Variants in PLXND1 observed in about 807,000 individuals in gnomAD.
PLXND1 encodes the protein plexin-D1.
Under a neutral mutation model 197.7 loss-of-function variants are expected in PLXND1, and 54 were observed. The observed-to-expected ratio is 0.27, with a 90% confidence interval of 0.22 to 0.34. The LOEUF (loss-of-function observed/expected upper bound fraction) is 0.34. PLXND1 is among the 10% of genes least tolerant of loss of function. The probability of loss-of-function intolerance (pLI) is 1.00; values close to 1 mark genes in which losing one functional copy is unlikely to be tolerated. For missense variants in PLXND1, 2,127 were observed against 2,699.2 expected, an observed-to-expected ratio of 0.79 and a Z score of 4.70; for synonymous variants, 1,180 against 1,161.2, an observed-to-expected ratio of 1.02 and a Z score of -0.33.
intron 1 of PLXND1, among the ~76,000 whole-genome samples, chr3:129,596,541 G>T (rs180677818): frequency 2.6e-5 from 4 of 152,250 alleles, no homozygotes; most frequent in East Asian, 1.9e-4. Flanking sequence ...CAGGGAAAAG[G>T]CTTCCCTCCC....
intron 25 of PLXND1, among the ~76,000 whole-genome samples, chr3:129,564,303 A>G (rs1279822034): frequency 6.6e-6 from 1 of 152,250 alleles, no homozygotes. Flanking sequence ...GAGGGCAATG[A>G]GTAGCCCAGA....
intron 32 of PLXND1, chr3:129,559,276 T>C (rs1171538031): frequency 9.1e-6 from 2 of 219,702 alleles, no homozygotes; most frequent in Non-Finnish European, 1.8e-5. Flanking sequence ...TGTGTGGTCT[T>C]GAGCAGGTGC....
chr3:129,600,408 G>A (rs1448108519), intron 1 of PLXND1, among the ~76,000 whole-genome samples: 1 of 152,034 alleles, frequency 6.6e-6, no homozygotes, highest in Admixed American at 6.5e-5. Flanking sequence ...TTTTTATTAT[G>A]GGCAGCCCCC....
rs1202032868 is a variant in PLXND1, at chr3:129,575,769, C to G, written c.2433G>C (p.Val811=). The change falls in exon 10 of 36, where the codon GTG becomes GTC. Residue 811 remains valine, a synonymous_variant. Coordinates refer to ENST00000324093, the MANE Select transcript of PLXND1 (RefSeq NM_015103.3). ...ATGCTGGAGTCACCCCACTCACCAC[C>G]ACCTGGTCACAGCGTACAACAGACT... The part of the protein sequence containing the change: ...VNESVVRCDQ[V]VLHTTRKSQV... 2 of 1,610,740 alleles carry G rather than the reference C, an allele frequency of 1.2e-6. No homozygotes were observed. Among genetic ancestry groups the G allele is most frequent in the Admixed American group, 3.3e-5 (2 of 59,992 alleles).
chr3:129,557,222 TC>T lies in PLXND1; in HGVS notation c.5446del (p.Asp1816IlefsTer30). The T allele has an allele frequency of 6.2e-7, 1 of 1,614,106 alleles. No homozygotes were observed. On this transcript the variant is annotated frameshift_variant and splice_region_variant, in exon 34 of 36. Coordinates refer to ENST00000324093, the MANE Select transcript of PLXND1 (RefSeq NM_015103.3). LOFTEE classifies it high-confidence loss of function. This position sits in a 1 kb window ranked among gnomAD's most constrained non-coding sequence, Gnocchi z 4.8. ...CSISDLQLGK[D>X]SPTNKLLYAK... ...GTAGAGGAGCTTGTTGGTTGGCGAA[TC>T]CTGGGCAGAGAAGAGCGAGGGTGTT...
intron 1 of PLXND1, among the ~76,000 whole-genome samples, chr3:129,596,347 C>G (rs974309927): frequency 6.6e-6 from 1 of 152,138 alleles, no homozygotes; most frequent in African/African-American, 2.4e-5. Context: ...TGGGAACCAC[C>G]GCCACAGTCG....
chr3:129,578,005 T>C (rs927698333), intron 9 of PLXND1, among the ~76,000 whole-genome samples: 1 of 152,010 alleles, frequency 6.6e-6, no homozygotes, highest in African/African-American at 2.4e-5. Context: ...GAGGACAGGA[T>C]AGGGCAGCGT....
At chr3:129,585,863 T>C (rs2085451245) in intron 5 of PLXND1, 89 bp downstream of exon 5, 1 of 1,546,134 alleles carries the variant, frequency 6.5e-7, no homozygotes, top group Non-Finnish European at 8.9e-7. Flanking sequence ...GCACCATGGG[T>C]GGGAGTCTCC....
chr3:129,583,239 G>C (rs2085410129), intron 8 of PLXND1, among the ~76,000 whole-genome samples: 1 of 152,192 alleles, frequency 6.6e-6, no homozygotes, highest in African/African-American at 2.4e-5. Context: ...ACTGGCTCAG[G>C]CTTTCTGGAA....
chr3:129,596,905 T>C (rs926312441), intron 1 of PLXND1, among the ~76,000 whole-genome samples: 8 of 152,126 alleles, frequency 5.3e-5, no homozygotes, highest in African/African-American at 1.4e-4. Context: ...TTCCATGAGC[T>C]GGGGACACAG....
In PLXND1 at chr3:129,606,401, T is replaced by C. The variant is rs531174147; in HGVS notation, c.239A>G (p.Tyr80Cys). Residue 80 changes from tyrosine to cysteine, a missense_variant, in exon 1 of 36, where the codon TAT (tyrosine) becomes TGT (cysteine). Physicochemically the swap from Tyr to Cys is radical, Grantham distance 194 (BLOSUM62 -2). Coordinates refer to ENST00000324093, the MANE Select transcript of PLXND1 (RefSeq NM_015103.3). ...GCTCAGGTTGGCGCCCGACAGCTGA[T>C]AGAGGCGGTTGACGGCCGCCAGGTA... ...TVYLAAVNRL[Y>C]QLSGANLSLE... The C allele has an allele frequency of 5.4e-6, 8 of 1,473,862 alleles. No homozygotes were observed. Among genetic ancestry groups the C allele is most frequent in the South Asian group, 5.3e-5 (4 of 75,814 alleles). The allele number at this position is 1,473,862 out of a possible 1,614,324, so 91.3% of individuals were successfully genotyped here.
intron 2 of PLXND1, among the ~76,000 whole-genome samples, chr3:129,587,123 T>A (rs1188887176): frequency 6.6e-6 from 1 of 152,142 alleles, no homozygotes; most frequent in African/African-American, 2.4e-5. Flanking sequence ...TTTCCTGAGC[T>A]AATGGGGCAG....
At position 129,575,498 on chromosome 3, in the gene PLXND1, C is replaced by T. The variant is rs202243684; in HGVS notation, c.2501G>A (p.Arg834Gln). The change falls in exon 11 of 36, where the codon CGA (arginine) becomes CAA (glutamine). Residue 834 changes from arginine to glutamine, a missense_variant. Arg to Gln is a conservative substitution (Grantham distance 43). Coordinates refer to ENST00000324093, the MANE Select transcript of PLXND1 (RefSeq NM_015103.3). ...LSLQLKGRPARFLDSPEPMTV... is the reference protein window; with the variant it reads ...LSLQLKGRPAQFLDSPEPMTV... ...CATGGGCTCAGGGCTGTCCAGGAAT[C>T]GGGCTGGCCGCCCCTTTAGTTGGAG... 7.8e-5 allele frequency: 122 copies of T among 1,554,886 alleles called. 1 individual carries two copies. The East Asian group carries it at 1.7e-3, about 22-fold the overall frequency.
intron 1 of PLXND1, among the ~76,000 whole-genome samples, chr3:129,590,301 T>TC (rs1310221462): frequency 1.3e-5 from 1 of 79,240 alleles, no homozygotes; most frequent in African/African-American, 4.1e-5. Context: ...TGATCCCATG[T>TC]CCGGGCTGTT....
Position 129,575,517 on chromosome 3 carries a change from G to T in PLXND1, c.2482C>A (p.Leu828Ile), listed in dbSNP as rs1209699651. ...KSQVFPLSLQLKGRPARFLDS... is the reference protein window; with the variant it reads ...KSQVFPLSLQIKGRPARFLDS... ...AGGAATCGGGCTGGCCGCCCCTTTA[G>T]TTGGAGGCTGAGCGGGAACACCTGG... Residue 828 changes from leucine (L) to isoleucine (I), a missense_variant, in exon 11 of 36, where the codon CTA (leucine) becomes ATA (isoleucine). Physicochemically the swap from Leu to Ile is conservative, Grantham distance 5. Coordinates refer to ENST00000324093, the MANE Select transcript of PLXND1 (RefSeq NM_015103.3). 1.7e-5 allele frequency: 27 copies of T among 1,557,336 alleles called. No individual in the cohort carries two copies. Among genetic ancestry groups the T allele is most frequent in the African/African-American group, 2.7e-5 (2 of 73,400 alleles).
chr3:129,589,307 G>GCCGGGGGCCCCCCCCCC, intron 2 of PLXND1, 44 bp downstream of exon 2: 1 of 684,692 alleles, frequency 1.5e-6, no homozygotes, highest in Non-Finnish European at 2.6e-6. Flanking sequence ...TCCCAGGGGA[G>GCCGGGGGCCCCCCCCCC]CCTCCCACCC....
chr3:129,597,480 CG>C (rs1488660988), intron 1 of PLXND1, among the ~76,000 whole-genome samples: 3 of 151,502 alleles, frequency 2.0e-5, no homozygotes, highest in Non-Finnish European at 4.4e-5. Flanking sequence ...CCTCTGCCTG[CG>C]GGCCCCCCCC....
rs747672225 is a variant in PLXND1 at position 129,560,672 on chromosome 3, C to T, written c.5028+17G>A. The T allele has an allele frequency of 1.1e-5, 17 of 1,594,314 alleles. No homozygotes were observed. The highest frequency in any genetic ancestry group is 9.9e-5 in the South Asian group (9 of 90,690). ...ACTGAGGGGCTGGATCCCCCGGGGCCGAGGTTGGGCACTCACCAAATGGAA... is the reference window on the plus strand; with the variant it reads ...ACTGAGGGGCTGGATCCCCCGGGGCTGAGGTTGGGCACTCACCAAATGGAA... On this transcript the variant is annotated intron_variant, in intron 30 of 35. Transcript: ENST00000324093.
In PLXND1 at chr3:129,563,138, TGAG is replaced by T; in HGVS notation, c.4621_4623del (p.Leu1541del). The T allele has an allele frequency of 6.2e-7, 1 of 1,613,278 alleles. No individual in the cohort carries two copies. Among genetic ancestry groups the T allele is most frequent in the Non-Finnish European group, 8.5e-7 (1 of 1,179,664 alleles). ...TTCTCCCGCAGCAGCCACTCCTCAC[TGAG>T]TGTGTAGCGGGCCTTGCCTGTGATG... On this transcript the variant is annotated inframe_deletion, in exon 26 of 36. Coordinates refer to ENST00000324093, the MANE Select transcript of PLXND1 (RefSeq NM_015103.3).
Sources: allele counts gnomAD v4.1 joint callset (sites outside exome capture counted in the v4.1 genomes callset), GRCh38; gene constraint gnomAD v4.1.1; non-coding constraint Gnocchi (gnomAD v3.1); transcripts MANE v1.5; gene names NCBI Gene and HGNC (gene_info 2026-07-23, HGNC 2026-07-21).